The following APOBEC3D variants were observed in gnomAD, a reference collection of about 807,000 sequenced individuals.
APOBEC3D encodes DNA dC->dU-editing enzyme APOBEC-3D.
APOBEC3D carries 37 observed loss-of-function variants against 45.6 expected under a neutral mutation model. That is an observed-to-expected ratio of 0.81 (90% confidence interval 0.62 to 1.07). APOBEC3D has a LOEUF of 1.07. Among genes scored for constraint, APOBEC3D ranks in the 50% least tolerant of loss-of-function variants. The pLI, the probability that APOBEC3D is intolerant of heterozygous loss-of-function variation, is 0.00. For synonymous variants in APOBEC3D, 175 were observed against 180.7 expected, an observed-to-expected ratio of 0.97 and a Z score of 0.25; for missense variants, 496 against 495.3, an observed-to-expected ratio of 1.00 and a Z score of -0.01.
At chr22:39,027,160 G>A (rs970460934) in intron 4 of APOBEC3D, among the ~76,000 whole-genome samples, 2 of 152,078 alleles carry the variant, frequency 1.3e-5, no homozygotes, top group East Asian at 1.9e-4. Context: ...CAGGGTGGCC[G>A]GGGACACCAG....
In APOBEC3D at chr22:39,032,736, A is replaced by C. The variant is rs1926349996; in HGVS notation, c.*420A>C. Reference sequence around the variant, plus strand: ...AGCTTCTGAGTAGCTGGGATTACAGATGCCTGCCACCACGCCCAGCTAATT... The same window carrying C: ...AGCTTCTGAGTAGCTGGGATTACAGCTGCCTGCCACCACGCCCAGCTAATT... On this transcript the variant is annotated 3_prime_UTR_variant, in exon 7 of 7. Transcript: ENST00000216099. 2 of 269,280 alleles carry C rather than the reference A, an allele frequency of 7.4e-6. No individual in the cohort carries two copies. The highest frequency in any genetic ancestry group is 2.4e-5 in the African/African-American group (1 of 40,964). The allele number at this position is 269,280 out of a possible 1,614,324, so 16.7% of individuals were successfully genotyped here. A position where few individuals can be genotyped will look rare whatever the true frequency, so the allele number is the denominator to read the frequency against.
chr22:39,031,869 C>T lies in APOBEC3D; in HGVS notation c.938C>T (p.Thr313Ile), dbSNP rs374093771. The stretch of plus-strand genomic sequence containing the variant: ...GCCAGGCACAGCAACGTGAATCTCA[C>T]CATCTTCACCGCCCGCCTCTGCTAC... ...FLARHSNVNLTIFTARLCYFW... is the reference protein window; with the variant it reads ...FLARHSNVNLIIFTARLCYFW... Residue 313 changes from threonine (T) to isoleucine (I), a missense_variant, in exon 6 of 7, where the codon ACC becomes ATC. Thr to Ile is a moderately conservative substitution (Grantham distance 89). Transcript: ENST00000216099. 12 of 1,614,082 alleles carry T rather than the reference C, an allele frequency of 7.4e-6. No homozygotes were observed. The highest frequency in any genetic ancestry group is 9.3e-6 in the Non-Finnish European group (11 of 1,180,040).
rs547489741 is a variant in APOBEC3D, at chr22:39,023,609, G to C, written c.210+595G>C. 2.0e-4 allele frequency among the ~76,000 whole-genome samples: 31 copies of C among 151,828 alleles called. No individual in the cohort carries two copies. In the South Asian group the frequency reaches 6.3e-3, roughly 31 times the overall value. On this transcript the variant is annotated intron_variant, in intron 2 of 6. Coordinates refer to ENST00000216099, the MANE Select transcript of APOBEC3D (RefSeq NM_152426.4). ...TTACAGGTGCACGCCACCGTGCCCA[G>C]CTAATTTTTTTGTATTTTTAATAGA...
Position 39,026,199 on chromosome 22 carries a change from G to C in APOBEC3D, c.605+528G>C, listed in dbSNP as rs543994528. Among the ~76,000 whole-genome samples, 10 of 152,310 alleles carry C rather than the reference G, an allele frequency of 6.6e-5. No homozygotes were observed. In the South Asian group the frequency reaches 1.7e-3, roughly 25 times the overall value. On this transcript the variant is annotated intron_variant, in intron 4 of 6. Transcript: ENST00000216099. ...ACAGATCTGGAGGCTGCAAGTCCAA[G>C]GTGGAGGGGTGGGTGGGGTTGTGTC...
At position 39,029,438 on chromosome 22, in the gene APOBEC3D, C is replaced by T. The variant is rs199733407; in HGVS notation, c.681C>T (p.Asn227=). ...ACCTACTGAAAGCCTGTGGTCGGAA[C>T]GAAAGCTGGCTGTGCTTCACCATGG... is the stretch of plus-strand genomic sequence containing the variant. ...FKNLLKACGR[N]ESWLCFTMEV... Residue 227 remains asparagine (N), a synonymous_variant, in exon 5 of 7, where the codon AAC becomes AAT. Coordinates refer to ENST00000216099, the MANE Select transcript of APOBEC3D (RefSeq NM_152426.4). The T allele has an allele frequency of 1.5e-5, 24 of 1,614,150 alleles. No homozygotes were observed. The South Asian group carries it at 1.9e-4, about 13-fold the overall frequency.
At chr22:39,029,288 C>A in intron 4 of APOBEC3D, 75 bp from the exon 5 acceptor site, 1 of 1,537,104 alleles carries the variant, frequency 6.5e-7, no homozygotes, top group Admixed American at 1.7e-5. Context: ...ACTCCAGGGA[C>A]GTCCAGGGAG....
chr22:39,026,050 A>G (rs1158119730), intron 4 of APOBEC3D, among the ~76,000 whole-genome samples: 7 of 152,216 alleles, frequency 4.6e-5, no homozygotes, highest in African/African-American at 1.7e-4. Flanking sequence ...TTTGAGCAAC[A>G]TCCTTCAAGG....
chr22:39,023,821 C>T (rs1307488251), intron 2 of APOBEC3D, among the ~76,000 whole-genome samples: 1 of 152,116 alleles, frequency 6.6e-6, no homozygotes, highest in Admixed American at 6.6e-5. Flanking sequence ...GCCCGGATTC[C>T]TCCTTGGCAA....
rs1219243935 is a variant in APOBEC3D, at chr22:39,021,353, G to T, written c.-167G>T. 21 of 804,534 alleles carry T rather than the reference G, an allele frequency of 2.6e-5. No homozygotes were observed. The South Asian group carries it at 3.1e-4, about 12-fold the overall frequency. 49.8% of individuals were successfully genotyped at this position (804,534 alleles called of 1,614,324 possible). On this transcript the variant is annotated 5_prime_UTR_variant, in exon 1 of 7. Coordinates refer to ENST00000216099, the MANE Select transcript of APOBEC3D (RefSeq NM_152426.4). Reference sequence around the variant, plus strand: ...GAACTCCTGACCTCGTGATCCGCCCGCCTCGGCCTCCCAAAGTGCTGGGAT... The same window carrying T: ...GAACTCCTGACCTCGTGATCCGCCCTCCTCGGCCTCCCAAAGTGCTGGGAT...
intron 5 of APOBEC3D, among the ~76,000 whole-genome samples, chr22:39,029,891 A>G (rs535601677): frequency 2.6e-5 from 4 of 152,334 alleles, no homozygotes; most frequent in East Asian, 1.9e-4. Flanking sequence ...GATTACAGGC[A>G]TGAGCCACCA....
In APOBEC3D at chr22:39,022,826, C is replaced by A; in HGVS notation, c.22C>A (p.Pro8Thr). The change falls in exon 2 of 7, where the codon CCG (proline) becomes ACG (threonine). Residue 8 changes from proline to threonine, a missense_variant. Pro to Thr is a conservative substitution (Grantham distance 38). Coordinates refer to ENST00000216099, the MANE Select transcript of APOBEC3D (RefSeq NM_152426.4). MNPQIRNPMERMYRDTFY... is the reference protein window; with the variant it reads MNPQIRNTMERMYRDTFY... ...GTTTCTCTCTTGTGCCTTCAGAAAT[C>A]CGATGGAGCGGATGTATCGAGACAC... 6.2e-7 allele frequency: 1 copy of A among 1,603,014 alleles called. No individual in the cohort carries two copies. Among genetic ancestry groups the A allele is most frequent in the Non-Finnish European group, 8.5e-7 (1 of 1,175,682 alleles).
At chr22:39,028,067 C>CT (rs1249433203) in intron 4 of APOBEC3D, among the ~76,000 whole-genome samples, 1 of 152,102 alleles carries the variant, frequency 6.6e-6, no homozygotes, top group Non-Finnish European at 1.5e-5. Flanking sequence ...AATACAAAGT[C>CT]TTAAGAGAGG....
chr22:39,025,201 G>A lies in APOBEC3D; in HGVS notation c.342G>A (p.Val114=), dbSNP rs370769998. 5.3e-5 allele frequency: 86 copies of A among 1,613,702 alleles called. 2 individuals are homozygous for A. The highest frequency in any genetic ancestry group is 8.8e-5 in the South Asian group (8 of 91,058). Residue 114 remains valine (V), a synonymous_variant, in exon 3 of 7, where the codon GTG becomes GTA. Coordinates refer to ENST00000216099, the MANE Select transcript of APOBEC3D (RefSeq NM_152426.4). ...VSWNPCLPCV[V]KVTKFLAEHP... ...GGAACCCCTGCCTGCCCTGTGTGGT[G>A]AAGGTGACCAAATTCTTGGCTGAGC...
intron 2 of APOBEC3D, among the ~76,000 whole-genome samples, chr22:39,024,608 G>A (rs1375054259): frequency 2.6e-5 from 4 of 152,160 alleles, no homozygotes; most frequent in African/African-American, 9.7e-5. Context: ...TCCAGGGCCT[G>A]CGAGCTGCAC....
In APOBEC3D at chr22:39,031,982, T is replaced by G. The variant is rs1325654226; in HGVS notation, c.1042+9T>G. On this transcript the variant is annotated intron_variant, in intron 6 of 6. Coordinates refer to ENST00000216099, the MANE Select transcript of APOBEC3D (RefSeq NM_152426.4). ...GATCATGGGCTACAAAGGTGAGACG[T>G]GGGGGGCTGAGGAGAGTGGGTGCGG... 2.2e-5 allele frequency: 36 copies of G among 1,613,188 alleles called. No homozygotes were observed. The highest frequency in any genetic ancestry group is 3.0e-5 in the Non-Finnish European group (35 of 1,179,734).
At position 39,025,359 on chromosome 22, in the gene APOBEC3D, G is replaced by A. The variant is rs1217680655; in HGVS notation, c.490+10G>A. On this transcript the variant is annotated intron_variant, in intron 3 of 6. Transcript: ENST00000216099. ...ATCATGGACTATGAAGGTGAGAGGT[G>A]CAGGGGTCAGGGGAGCATGACGGGG... The A allele has an allele frequency of 6.8e-6, 11 of 1,613,564 alleles. No individual in the cohort carries two copies. Among genetic ancestry groups the A allele is most frequent in the East Asian group, 6.7e-5 (3 of 44,882 alleles).
rs953092167 is a variant in APOBEC3D, at chr22:39,025,765, C to A, written c.605+94C>A. ...CTGGCTGGGCCCTCCTGCCCTCCGTCCTGCCCCCCTGCCTGCCCTCATGGT... is the reference window on the plus strand; with the variant it reads ...CTGGCTGGGCCCTCCTGCCCTCCGTACTGCCCCCCTGCCTGCCCTCATGGT... On this transcript the variant is annotated intron_variant, in intron 4 of 6. Coordinates refer to ENST00000216099, the MANE Select transcript of APOBEC3D (RefSeq NM_152426.4). The A allele has an allele frequency of 3.2e-6, 5 of 1,582,492 alleles. No individual in the cohort carries two copies. In the African/African-American group the frequency reaches 5.4e-5, roughly 17 times the overall value.
At chr22:39,028,119 T>C (rs5757429) in intron 4 of APOBEC3D, among the ~76,000 whole-genome samples, 16,246 of 152,192 alleles carry the variant, frequency 0.11, 1,362 homozygotes, top group East Asian at 0.44. Flanking sequence ...AAATAAGTCA[T>C]TTCTTCCAAA....
chr22:39,025,030 C>T lies in APOBEC3D; in HGVS notation c.211-40C>T, dbSNP rs751204693. ...GCCCCACCCCGCACCCCTCCTGTTC[C>T]CCCGTCCCAGAGCTTCCCCTGCCCC... is the stretch of plus-strand genomic sequence containing the variant. On this transcript the variant is annotated intron_variant, in intron 2 of 6. Coordinates refer to ENST00000216099, the MANE Select transcript of APOBEC3D (RefSeq NM_152426.4). 6 of 1,077,198 alleles carry T rather than the reference C, an allele frequency of 5.6e-6. No individual in the cohort carries two copies. In the South Asian group the frequency reaches 7.3e-5, roughly 13 times the overall value. The allele number at this position is 1,077,198 out of a possible 1,614,324, so 66.7% of individuals were successfully genotyped here.
Sources: allele counts gnomAD v4.1 joint callset (sites outside exome capture counted in the v4.1 genomes callset), GRCh38; gene constraint gnomAD v4.1.1; transcripts MANE v1.5; gene names NCBI Gene and HGNC (gene_info 2026-07-23, HGNC 2026-07-21).